NPFFR1: variants seen among roughly 807,000 people sequenced by gnomAD.
The protein encoded by NPFFR1 is G-protein coupled receptor 147.
NPFFR1 carries 17 observed loss-of-function variants against 12.7 expected under a neutral mutation model. That is an observed-to-expected ratio of 1.34 (90% CI 0.92 to 2.01). The LOEUF is 2.01. NPFFR1 is among the 30% of genes most tolerant of loss of function. NPFFR1 has a pLI of 0.00. For missense variants in NPFFR1, 604 were observed against 606.5 expected, an observed-to-expected ratio of 1.00 and a Z score of 0.04; for synonymous variants, 296 against 264.5, an observed-to-expected ratio of 1.12 and a Z score of -1.16.
At chr10:70,267,268 G>A (rs886818806) in intron 1 of NPFFR1, among the ~76,000 whole-genome samples, 1 of 152,104 alleles carries the variant, frequency 6.6e-6, no homozygotes, top group Admixed American at 6.5e-5. Context: ...CCAAAGCAGG[G>A]GCTCCTGCTC....
At position 70,254,893 on chromosome 10, in the gene NPFFR1, C is replaced by T. The variant is rs560603982; in HGVS notation, c.*64G>A. Reference sequence around the variant, plus strand: ...TCACCTAACCACACCAGGCCGCTATCGCCTGCATGTATCTCGTGTCCAATC... The same window carrying T: ...TCACCTAACCACACCAGGCCGCTATTGCCTGCATGTATCTCGTGTCCAATC... On this transcript the variant is annotated 3_prime_UTR_variant, in exon 4 of 4. Transcript: ENST00000277942. 1.8e-5 allele frequency: 25 copies of T among 1,373,972 alleles called. No individual in the cohort carries two copies. The highest frequency in any genetic ancestry group is 2.3e-5 in the Non-Finnish European group (25 of 1,069,210). 85.1% of individuals were successfully genotyped at this position (1,373,972 alleles called of 1,614,324 possible).
At chr10:70,278,206 C>G (rs958275419) in intron 1 of NPFFR1, among the ~76,000 whole-genome samples, 1 of 152,088 alleles carries the variant, frequency 6.6e-6, no homozygotes, top group Non-Finnish European at 1.5e-5. Flanking sequence ...CCCCTGTCCC[C>G]AGAATCATCC....
intron 1 of NPFFR1, among the ~76,000 whole-genome samples, chr10:70,283,359 C>G (rs1019113334): frequency 4.6e-5 from 7 of 151,954 alleles, no homozygotes; most frequent in African/African-American, 1.5e-4. Flanking sequence ...CTCTCTCTCT[C>G]TCTTTCACAC....
rs959419968 is a variant in NPFFR1 at position 70,283,869 on chromosome 10, G to A, written c.-193C>T. On this transcript the variant is annotated 5_prime_UTR_variant, in exon 1 of 4. Coordinates refer to ENST00000277942, the MANE Select transcript of NPFFR1 (RefSeq NM_022146.5). ...GCTCCCAGGCCCCGGGCCCTGGCCG[G>A]TTTCCCTCCCCTCGGGCTGACTGGC... 1.3e-5 allele frequency among the ~76,000 whole-genome samples: 2 copies of A among 152,100 alleles called. No individual in the cohort carries two copies. The highest frequency in any genetic ancestry group is 4.8e-5 in the African/African-American group (2 of 41,424).
At chr10:70,283,128 C>CT (rs113088368) in intron 1 of NPFFR1, among the ~76,000 whole-genome samples, 11 of 87,924 alleles carry the variant, frequency 1.3e-4, no homozygotes, top group South Asian at 4.2e-4. Flanking sequence ...GGGACTCTCT[C>CT]TTTTTGTGTG....
At chr10:70,265,944 G>T in intron 2 of NPFFR1, 133 bp downstream of exon 2, 1 of 763,598 alleles carries the variant, frequency 1.3e-6, no homozygotes, top group Non-Finnish European at 2.2e-6. Context: ...TGTCTTGAGA[G>T]TTCGAGACCA....
chr10:70,268,506 T>C (rs1343004347), intron 1 of NPFFR1, among the ~76,000 whole-genome samples: 2 of 152,172 alleles, frequency 1.3e-5, no homozygotes, highest in Non-Finnish European at 2.9e-5. Flanking sequence ...GCAATCTGAG[T>C]AGTTCTTCTC....
At chr10:70,279,728 T>C (rs1840840176) in intron 1 of NPFFR1, among the ~76,000 whole-genome samples, 1 of 152,226 alleles carries the variant, frequency 6.6e-6, no homozygotes, top group African/African-American at 2.4e-5. Flanking sequence ...CCCAAAGTGC[T>C]CTGATTACAG....
intron 2 of NPFFR1, among the ~76,000 whole-genome samples, chr10:70,261,353 CT>C (rs1230258289): frequency 6.6e-6 from 1 of 152,182 alleles, no homozygotes; most frequent in Non-Finnish European, 1.5e-5. Context: ...CTTCCCATCC[CT>C]GCAGAACTGT....
chr10:70,260,866 G>T (rs1045601759), intron 2 of NPFFR1, 127 bp from the exon 3 acceptor site: 1 of 773,096 alleles, frequency 1.3e-6, no homozygotes, highest in South Asian at 1.6e-5. Flanking sequence ...GGTGTTATCT[G>T]GTCTCTGCTT....
At chr10:70,273,557 C>A (rs1840771026) in intron 1 of NPFFR1, among the ~76,000 whole-genome samples, 1 of 152,176 alleles carries the variant, frequency 6.6e-6, no homozygotes, top group Non-Finnish European at 1.5e-5. Flanking sequence ...AGGTTTTGGG[C>A]TCACCCTGCA....
rs1033845723 is a variant in NPFFR1 at position 70,248,939 on chromosome 10, G to A, written c.*6018C>T. ...GTGTACATGATGCTCTCTCTGTCTG[G>A]GTTTGTTTCTTCCCCAGCTAGTCAC... is the stretch of plus-strand genomic sequence containing the variant. On this transcript the variant is annotated 3_prime_UTR_variant, in exon 4 of 4. Transcript: ENST00000277942. The A allele has an allele frequency of 2.6e-5, 4 of 152,214 alleles. No homozygotes were observed. Among genetic ancestry groups the A allele is most frequent in the Admixed American group, 2.0e-4 (3 of 15,288 alleles). The allele number at this position is 152,214 out of a possible 1,614,324, so 9.4% of individuals were successfully genotyped here.
chr10:70,272,015 G>A (rs1408908576), intron 1 of NPFFR1, among the ~76,000 whole-genome samples: 1 of 151,798 alleles, frequency 6.6e-6, no homozygotes, highest in Non-Finnish European at 1.5e-5. Flanking sequence ...TACTCAGGAG[G>A]CTGAGGCAGG....
chr10:70,275,926 G>T (rs966096238), intron 1 of NPFFR1, among the ~76,000 whole-genome samples: 1 of 152,172 alleles, frequency 6.6e-6, no homozygotes, highest in Non-Finnish European at 1.5e-5. Flanking sequence ...ATGCAGTAGT[G>T]GTAGACCTCC....
At chr10:70,277,832 G>A in intron 1 of NPFFR1, 1 of 460,416 alleles carries the variant, frequency 2.2e-6, no homozygotes, top group South Asian at 1.5e-5. Context: ...TAACATCACA[G>A]TTAAGGCCCA....
In NPFFR1 at chr10:70,251,056, A is replaced by G. The variant is rs1370669758; in HGVS notation, c.*3901T>C. The stretch of plus-strand genomic sequence containing the variant: ...AGAGAGAGAGAAAAACAACAATAAA[A>G]TGCCATGATCATAAATAATTGGGTT... On this transcript the variant is annotated 3_prime_UTR_variant, in exon 4 of 4. Coordinates refer to ENST00000277942, the MANE Select transcript of NPFFR1 (RefSeq NM_022146.5). The G allele has an allele frequency of 6.6e-6, 1 of 152,232 alleles. No homozygotes were observed. Among genetic ancestry groups the G allele is most frequent in the Non-Finnish European group, 1.5e-5 (1 of 68,040 alleles). 9.4% of individuals were successfully genotyped at this position (152,232 alleles called of 1,614,324 possible). A position where few individuals can be genotyped will look rare whatever the true frequency, so the allele number is the denominator to read the frequency against.
chr10:70,266,147 G>T lies in NPFFR1; in HGVS notation c.252C>A (p.Asn84Lys), dbSNP rs760204702. ...MHTVTNMFILNLAVSDLLVGI... is the reference protein window; with the variant it reads ...MHTVTNMFILKLAVSDLLVGI... ...CCACCAGCAGGTCACTGACAGCCAG[G>T]TTGAGGATGAACATGTTGGTGACAG... is the stretch of plus-strand genomic sequence containing the variant. The change falls in exon 2 of 4, where the codon AAC (asparagine) becomes AAA (lysine). Residue 84 changes from asparagine to lysine, a missense_variant. Coordinates refer to ENST00000277942, the MANE Select transcript of NPFFR1 (RefSeq NM_022146.5). 43 of 1,613,920 alleles carry T rather than the reference G, an allele frequency of 2.7e-5. No homozygotes were observed. The highest frequency in any genetic ancestry group is 8.3e-5 in the Admixed American group (5 of 60,004).
chr10:70,263,050 C>T (rs1840650047), intron 2 of NPFFR1, among the ~76,000 whole-genome samples: 1 of 151,936 alleles, frequency 6.6e-6, no homozygotes, highest in Non-Finnish European at 1.5e-5. Flanking sequence ...TTCTGTAGTC[C>T]CAGCTACTGG....
intron 2 of NPFFR1, among the ~76,000 whole-genome samples, chr10:70,262,314 T>C (rs539297478): frequency 6.6e-6 from 1 of 152,296 alleles, no homozygotes; most frequent in Admixed American, 6.5e-5. Flanking sequence ...ATGAATAATA[T>C]TGTATTTAAA....
Sources: gnomAD v4.1 joint callset for allele counts (sites outside exome capture counted in the v4.1 genomes callset) on GRCh38, gnomAD v4.1.1 for gene constraint, MANE v1.5 for transcripts, NCBI Gene and HGNC (gene_info 2026-07-23, HGNC 2026-07-21) for gene names.